LRP1B: variants seen among roughly 807,000 people sequenced by gnomAD.
LRP1B encodes LDL receptor related protein 1B.
In LRP1B, 217 loss-of-function variants were observed where a neutral mutation model predicts 556.6. The observed-to-expected ratio is 0.39, with a 90% CI of 0.35 to 0.44. The LOEUF (loss-of-function observed/expected upper bound fraction) is 0.44, where lower values mean the gene tolerates loss of function less well. Among genes scored for constraint, LRP1B ranks in the 20% least tolerant of loss-of-function variants. LRP1B has a pLI of 1.00. For synonymous variants in LRP1B, 2,047 were observed against 1,865.8 expected, an observed-to-expected ratio of 1.10 and a Z score of -2.50; for missense variants, 5,053 against 5,620.8, an observed-to-expected ratio of 0.90 and a Z score of 3.23.
At chr2:141,779,005 A>G (rs2105633972) in intron 2 of LRP1B, among the ~76,000 whole-genome samples, 1 of 152,342 alleles carries the variant, frequency 6.6e-6, no homozygotes, top group East Asian at 1.9e-4. Context: ...CCAGGTTCTC[A>G]GGGCTGTGGT....
At chr2:140,926,510 TAA>T (rs530705014) in intron 20 of LRP1B, among the ~76,000 whole-genome samples, 1 of 149,956 alleles carries the variant, frequency 6.7e-6, no homozygotes, top group Non-Finnish European at 1.5e-5. Flanking sequence ...CCCAGCTAAT[TAA>T]AAAAAAAATC....
At chr2:140,688,923 T>C (rs1427813817) in intron 41 of LRP1B, among the ~76,000 whole-genome samples, 1 of 152,140 alleles carries the variant, frequency 6.6e-6, no homozygotes, top group East Asian at 1.9e-4. Context: ...CTAACACAGA[T>C]GAGAAGAGCT....
chr2:140,988,699 T>G (rs894563775), intron 17 of LRP1B, among the ~76,000 whole-genome samples: 3 of 152,146 alleles, frequency 2.0e-5, no homozygotes, highest in Non-Finnish European at 2.9e-5. Context: ...TCACTGGTAA[T>G]TTATAACACT....
At chr2:141,281,063 C>T (rs1415359362) in intron 3 of LRP1B, among the ~76,000 whole-genome samples, 1 of 151,940 alleles carries the variant, frequency 6.6e-6, no homozygotes, top group Non-Finnish European at 1.5e-5. Flanking sequence ...ATACTGTTTG[C>T]TTTTCCTGGT....
intron 15 of LRP1B, among the ~76,000 whole-genome samples, chr2:140,997,024 T>C (rs1263037492): frequency 6.6e-6 from 1 of 152,002 alleles, no homozygotes; most frequent in African/African-American, 2.4e-5. Context: ...GAACTATGTA[T>C]TTGAAAACTG....
At chr2:140,529,411 C>A (rs961853705) in intron 47 of LRP1B, among the ~76,000 whole-genome samples, 1 of 140,550 alleles carries the variant, frequency 7.1e-6, no homozygotes, top group African/African-American at 2.8e-5. Context: ...TTACCCAACT[C>A]GTAGCAAAGG....
intron 63 of LRP1B, among the ~76,000 whole-genome samples, chr2:140,446,229 C>T (rs1437893696): frequency 6.6e-6 from 1 of 152,098 alleles, no homozygotes; most frequent in Non-Finnish European, 1.5e-5. Flanking sequence ...GCTTTCGAAA[C>T]AACCCTCCAC....
At chr2:140,982,363 T>C in intron 17 of LRP1B, 87 bp from the exon 18 acceptor site, 2 of 783,784 alleles carry the variant, frequency 2.6e-6, no homozygotes, top group Admixed American at 2.0e-5. Flanking sequence ...ATTCCTTTCA[T>C]ACATAAGATA....
intron 1 of LRP1B, among the ~76,000 whole-genome samples, chr2:142,008,171 T>C (rs1233827540): frequency 2.6e-5 from 4 of 152,210 alleles, no homozygotes; most frequent in Admixed American, 2.6e-4. Context: ...GGCACATAGA[T>C]TTAACCTTGG....
intron 1 of LRP1B, among the ~76,000 whole-genome samples, chr2:141,955,027 T>C (rs1023174831): frequency 2.0e-5 from 3 of 152,058 alleles, no homozygotes; most frequent in Non-Finnish European, 4.4e-5. Context: ...TATAAGAACA[T>C]AAAAGCATTG....
intron 41 of LRP1B, among the ~76,000 whole-genome samples, chr2:140,648,397 C>T (rs1257543670): frequency 1.3e-5 from 2 of 151,970 alleles, no homozygotes; most frequent in Non-Finnish European, 2.9e-5. Flanking sequence ...TGTAACAAAC[C>T]TGTACATTGT....
chr2:142,058,313 T>G (rs1025813376), intron 1 of LRP1B, among the ~76,000 whole-genome samples: 1 of 151,998 alleles, frequency 6.6e-6, no homozygotes, highest in Admixed American at 6.6e-5. Flanking sequence ...GGGTTCTGAG[T>G]CTCACTGCCT....
chr2:140,498,512 ATGCAAAT>A (rs1382467016), intron 55 of LRP1B, among the ~76,000 whole-genome samples: 1 of 151,874 alleles, frequency 6.6e-6, no homozygotes, highest in African/African-American at 2.4e-5. Context: ...TACTGCAAAC[ATGCAAAT>A]TGGCCACAGT....
At chr2:141,355,442 T>C (rs1180334884) in intron 3 of LRP1B, among the ~76,000 whole-genome samples, 1 of 152,048 alleles carries the variant, frequency 6.6e-6, no homozygotes, top group Non-Finnish European at 1.5e-5. Flanking sequence ...AAAAACCTAC[T>C]ATACATAACC....
intron 7 of LRP1B, among the ~76,000 whole-genome samples, chr2:141,144,159 A>C (rs563296312): frequency 1.3e-5 from 2 of 152,318 alleles, no homozygotes; most frequent in East Asian, 3.9e-4. Flanking sequence ...ATGAAGGAGA[A>C]AAGAAAGAAA....
intron 1 of LRP1B, among the ~76,000 whole-genome samples, chr2:141,879,975 C>T (rs1462660635): frequency 2.0e-5 from 3 of 149,458 alleles, no homozygotes; most frequent in African/African-American, 7.3e-5. Flanking sequence ...TAAGAGACTA[C>T]ATTTGTTAAT....
chr2:141,316,222 A>G (rs911741173), intron 3 of LRP1B, among the ~76,000 whole-genome samples: 2 of 152,098 alleles, frequency 1.3e-5, no homozygotes, highest in Admixed American at 1.3e-4. Context: ...GCTTTTGATT[A>G]CAGATGCCAC....
chr2:140,310,352 T>C (rs11885708), intron 83 of LRP1B, among the ~76,000 whole-genome samples: 10,895 of 146,326 alleles, frequency 0.074, 451 homozygotes, highest in Middle Eastern at 0.14. Flanking sequence ...GCAATTTCTA[T>C]CAAAATACCA....
At chr2:141,376,202 G>T (rs1033216439) in intron 3 of LRP1B, among the ~76,000 whole-genome samples, 4 of 152,260 alleles carry the variant, frequency 2.6e-5, no homozygotes, top group East Asian at 3.9e-4. Flanking sequence ...ATTCCATATG[G>T]GTTCTCTTTT....
Sources: allele counts gnomAD v4.1 joint callset (sites outside exome capture counted in the v4.1 genomes callset), GRCh38; gene constraint gnomAD v4.1.1; transcripts MANE v1.5; gene names NCBI Gene and HGNC (gene_info 2026-07-23, HGNC 2026-07-21).